SRPK2: variants seen among roughly 807,000 people sequenced by gnomAD.
The protein encoded by SRPK2 is SFRS protein kinase 2.
In SRPK2, 21 loss-of-function variants were observed where a neutral mutation model predicts 90.8. The observed-to-expected ratio is 0.23, with a 90% CI of 0.16 to 0.33. The LOEUF is 0.33. SRPK2 is among the 10% of genes least tolerant of loss of function. The pLI, the probability that SRPK2 is intolerant of heterozygous loss-of-function variation, is 1.00. For missense variants in SRPK2, 620 were observed against 869.0 expected, an observed-to-expected ratio of 0.71 and a Z score of 3.60; for synonymous variants, 288 against 311.1, an observed-to-expected ratio of 0.93 and a Z score of 0.78.
At chr7:105,326,333 T>G (rs2131614963) in intron 2 of SRPK2, among the ~76,000 whole-genome samples, 1 of 152,352 alleles carries the variant, frequency 6.6e-6, no homozygotes, top group Non-Finnish European at 1.5e-5. Flanking sequence ...TTTTAAAATT[T>G]GAAAGAAAGC....
chr7:105,130,056 A>G (rs1214832499), intron 13 of SRPK2, among the ~76,000 whole-genome samples: 1 of 152,154 alleles, frequency 6.6e-6, no homozygotes, highest in African/African-American at 2.4e-5. Flanking sequence ...TTACACTGGA[A>G]GGTGTAAAGC....
intron 5 of SRPK2, 42 bp downstream of exon 5, chr7:105,167,966 C>G (rs779750733): frequency 6.8e-7 from 1 of 1,472,608 alleles, no homozygotes; most frequent in African/African-American, 1.4e-5. Flanking sequence ...AATTTTAAGT[C>G]ATTAAGTTTT....
At chr7:105,205,515 TCTCACACACA>T (rs878940225) in intron 2 of SRPK2, among the ~76,000 whole-genome samples, 10,389 of 110,714 alleles carry the variant, frequency 0.094, 374 homozygotes, top group Middle Eastern at 0.16. Context: ...TCTCTCTCTC[TCTCACACACA>T]CACACACACA....
In SRPK2 at chr7:105,324,386, G is replaced by A. The variant is rs906809739; in HGVS notation, c.71+64262C>T. Among the ~76,000 whole-genome samples the A allele has an allele frequency of 9.2e-5, 14 of 151,552 alleles. No individual in the cohort carries two copies. In the South Asian group the frequency reaches 1.3e-3, roughly 14 times the overall value. ...CGCCCAGGCTGGAGTGCAATGGCGC[G>A]ATCTCAGCTCACTGCAACCTCTGCC... On this transcript the variant is annotated intron_variant, in intron 2 of 15. Transcript: ENST00000393651.
intron 2 of SRPK2, among the ~76,000 whole-genome samples, chr7:105,380,947 TAAAAAA>T (rs869039181): frequency 1.5e-4 from 16 of 104,126 alleles, no homozygotes; most frequent in African/African-American, 5.3e-4. Flanking sequence ...TTTATTACTT[TAAAAAA>T]AAAAAAAAAA....
chr7:105,220,237 G>A (rs1445641741), intron 2 of SRPK2, among the ~76,000 whole-genome samples: 3 of 152,156 alleles, frequency 2.0e-5, no homozygotes, highest in South Asian at 2.1e-4. Context: ...ATCCACTTAC[G>A]ATTTTAACAG....
At chr7:105,156,380 A>C (rs1206321559) in intron 7 of SRPK2, among the ~76,000 whole-genome samples, 1 of 152,226 alleles carries the variant, frequency 6.6e-6, no homozygotes, top group African/African-American at 2.4e-5. Context: ...GAACTCAACT[A>C]TGCAAAGTAC....
chr7:105,229,984 G>C (rs1281689002), intron 2 of SRPK2, among the ~76,000 whole-genome samples: 1 of 152,196 alleles, frequency 6.6e-6, no homozygotes, highest in Non-Finnish European at 1.5e-5. Flanking sequence ...ACGTGGGACT[G>C]AACTGGATCT....
At chr7:105,325,808 C>T (rs1186332151) in intron 2 of SRPK2, among the ~76,000 whole-genome samples, 2 of 152,150 alleles carry the variant, frequency 1.3e-5, no homozygotes, top group African/African-American at 4.8e-5. Context: ...GAGCCTAGAT[C>T]GCACAACTGC....
At chr7:105,138,994 C>G (rs557085343) in intron 11 of SRPK2, among the ~76,000 whole-genome samples, 1 of 152,246 alleles carries the variant, frequency 6.6e-6, no homozygotes, top group East Asian at 1.9e-4. Flanking sequence ...ATTGCTCAAT[C>G]TATGTGGAGG....
chr7:105,166,007 A>C (rs1790009419), intron 6 of SRPK2, among the ~76,000 whole-genome samples: 1 of 152,192 alleles, frequency 6.6e-6, no homozygotes, highest in Non-Finnish European at 1.5e-5. Flanking sequence ...CCGCAGCTTC[A>C]TTCTTGAAGT....
chr7:105,197,435 T>C (rs1252953552), intron 3 of SRPK2, among the ~76,000 whole-genome samples: 3 of 152,202 alleles, frequency 2.0e-5, no homozygotes, highest in Non-Finnish European at 4.4e-5. Context: ...AAAGGCCCTA[T>C]ATTCTGATCT....
chr7:105,349,782 AGGC>A (rs1207689963), intron 2 of SRPK2, among the ~76,000 whole-genome samples: 2 of 151,942 alleles, frequency 1.3e-5, no homozygotes, highest in Non-Finnish European at 2.9e-5. Context: ...CTCTGTCGCC[AGGC>A]TGGTGTGCAG....
intron 3 of SRPK2, among the ~76,000 whole-genome samples, chr7:105,177,983 C>G (rs780087296): frequency 6.7e-6 from 1 of 149,316 alleles, no homozygotes; most frequent in African/African-American, 2.5e-5. Flanking sequence ...GAGCTGAGAT[C>G]GCACCACTGC....
At chr7:105,340,362 T>C (rs894857783) in intron 2 of SRPK2, among the ~76,000 whole-genome samples, 8 of 151,536 alleles carry the variant, frequency 5.3e-5, no homozygotes, top group African/African-American at 1.9e-4. Flanking sequence ...AAATTATGGT[T>C]ATGCAAAGTA....
chr7:105,148,228 A>G (rs964304944), intron 7 of SRPK2, among the ~76,000 whole-genome samples: 1 of 152,218 alleles, frequency 6.6e-6, no homozygotes, highest in African/African-American at 2.4e-5. Flanking sequence ...GTTTTGATCT[A>G]CATTTCCCTG....
chr7:105,308,825 A>G (rs1412334887), intron 2 of SRPK2, among the ~76,000 whole-genome samples: 6 of 152,184 alleles, frequency 3.9e-5, no homozygotes, highest in Admixed American at 2.6e-4. Flanking sequence ...AGATTACTTA[A>G]AACTCCACGA....
intron 6 of SRPK2, among the ~76,000 whole-genome samples, chr7:105,164,930 C>T (rs1353826920): frequency 6.6e-6 from 1 of 152,146 alleles, no homozygotes; most frequent in African/African-American, 2.4e-5. Context: ...AACCTAGCAC[C>T]CATCAGTCAT....
intron 13 of SRPK2, among the ~76,000 whole-genome samples, chr7:105,129,566 G>T (rs564038859): frequency 2.3e-4 from 35 of 151,860 alleles, no homozygotes; most frequent in African/African-American, 8.4e-4. Flanking sequence ...GTAGAGATGG[G>T]GTTTTGCCAT....
Sources: gnomAD v4.1 joint callset for allele counts (sites outside exome capture counted in the v4.1 genomes callset) on GRCh38, gnomAD v4.1.1 for gene constraint, MANE v1.5 for transcripts, NCBI Gene and HGNC (gene_info 2026-07-23, HGNC 2026-07-21) for gene names.